Variants in ANO3 observed in about 807,000 individuals in gnomAD.
ANO3 encodes the protein anoctamin-3.
In ANO3, 99 loss-of-function variants were observed where a neutral mutation model predicts 144.8. The ratio of observed to expected loss-of-function variants is 0.68; its 90% CI spans 0.58 to 0.81. ANO3 has a LOEUF of 0.81. Ranked by LOEUF, ANO3 falls within the 30% of genes least tolerant of loss-of-function variation. The probability of loss-of-function intolerance (pLI) is 0.00; values close to 1 mark genes in which losing one functional copy is unlikely to be tolerated. For synonymous variants in ANO3, 414 were observed against 392.6 expected, an observed-to-expected ratio of 1.05 and a Z score of -0.64; for missense variants, 905 against 1,202.2, an observed-to-expected ratio of 0.75 and a Z score of 3.66.
chr11:26,355,238 T>C (rs1005575420), intron 1 of ANO3, among the ~76,000 whole-genome samples: 1 of 152,166 alleles, frequency 6.6e-6, no homozygotes, highest in African/African-American at 2.4e-5. Context: ...CAGTGAAGAG[T>C]TGATTTTTTG....
At chr11:26,625,481 G>T (rs866189755) in intron 18 of ANO3, among the ~76,000 whole-genome samples, 2 of 151,980 alleles carry the variant, frequency 1.3e-5, no homozygotes, top group Non-Finnish European at 2.9e-5. Context: ...CAAATTAATC[G>T]TTAGTCTTCA....
chr11:26,452,352 T>C (rs1044346992), intron 3 of ANO3, among the ~76,000 whole-genome samples: 69 of 152,206 alleles, frequency 4.5e-4, no homozygotes, highest in African/African-American at 1.6e-3. Flanking sequence ...GACGAATGTA[T>C]AACTAGAATA....
intron 14 of ANO3, among the ~76,000 whole-genome samples, chr11:26,566,758 A>G (rs1425210177): frequency 6.6e-6 from 1 of 151,682 alleles, no homozygotes; most frequent in Non-Finnish European, 1.5e-5. Context: ...AAATAGGGTG[A>G]TATAGGAAAA....
intron 1 of ANO3, among the ~76,000 whole-genome samples, chr11:26,220,893 A>G (rs1020943177): frequency 6.6e-6 from 1 of 152,100 alleles, no homozygotes; most frequent in Non-Finnish European, 1.5e-5. Flanking sequence ...GACAGTGTGC[A>G]TTTCATATTT....
rs1853454579 is a variant in ANO3, at chr11:26,272,221, T to C, written c.155-37424T>C. 2.0e-5 allele frequency among the ~76,000 whole-genome samples: 3 copies of C among 152,126 alleles called. No individual in the cohort carries two copies. In the South Asian group the frequency reaches 6.3e-4, roughly 32 times the overall value. ...GGATCCATGGGAAGTGCCACGGCGATGCTAGAAGAGCACCGAGAAGCAGAG... is the reference window on the plus strand; with the variant it reads ...GGATCCATGGGAAGTGCCACGGCGACGCTAGAAGAGCACCGAGAAGCAGAG... On this transcript the variant is annotated intron_variant, in intron 1 of 27. Transcript: ENST00000672621.
intron 14 of ANO3, chr11:26,563,274 C>CA (rs751594123): frequency 4.1e-5 from 65 of 1,574,478 alleles, no homozygotes; most frequent in African/African-American, 4.0e-4. Flanking sequence ...TTCTACAGGA[C>CA]AAAAAAAATT....
rs185382284 is a variant in ANO3, at chr11:26,478,443, C to T, written c.432+15295C>T. Among the ~76,000 whole-genome samples the T allele has an allele frequency of 2.2e-4, 33 of 152,158 alleles. No homozygotes were observed. The East Asian group carries it at 6.2e-3, about 29-fold the overall frequency. On this transcript the variant is annotated intron_variant, in intron 4 of 26. Coordinates refer to ENST00000256737, the MANE Select transcript of ANO3 (RefSeq NM_031418.4). The stretch of plus-strand genomic sequence containing the variant: ...GATTTTTCCTGTTTTATGCAAGCAT[C>T]ACTTCCTTTGTTGGCCCTCTTTCCC...
Position 26,342,913 on chromosome 11 carries a change from A to C in ANO3, c.46+10592A>C, listed in dbSNP as rs554693882. Among the ~76,000 whole-genome samples the C allele has an allele frequency of 2.2e-4, 33 of 152,252 alleles. No individual in the cohort carries two copies. In the East Asian group the frequency reaches 6.0e-3, roughly 28 times the overall value. On this transcript the variant is annotated intron_variant, in intron 1 of 26. Coordinates refer to ENST00000256737, the MANE Select transcript of ANO3 (RefSeq NM_031418.4). The stretch of plus-strand genomic sequence containing the variant: ...TATTTAGGGTGTTTTATATGTTTTG[A>C]CATACACATACTTTGTAAAATTATT...
chr11:26,508,256 G>GA lies in ANO3; in HGVS notation c.587dup (p.Glu197GlyfsTer13). The GA allele has an allele frequency of 6.3e-7, 1 of 1,590,392 alleles. No homozygotes were observed. The highest frequency in any genetic ancestry group is 8.5e-7 in the Non-Finnish European group (1 of 1,173,140). On this transcript the variant is annotated frameshift_variant, in exon 5 of 27. Transcript: ENST00000256737. LOFTEE classifies it high-confidence loss of function. ...TCAGAGCAGAAGGCTTGATGTTGGA[G>GA]AAGGAGGTAGGTGCTTTACTATTAT...
At chr11:26,609,169 TG>T (rs1298692831) in intron 17 of ANO3, among the ~76,000 whole-genome samples, 1 of 152,028 alleles carries the variant, frequency 6.6e-6, no homozygotes, top group Non-Finnish European at 1.5e-5. Flanking sequence ...CTCCCTTGGC[TG>T]GGGGCATGGA....
upstream of ANO3, among the ~76,000 whole-genome samples, chr11:26,330,726 T>A (rs1283162628): frequency 6.6e-6 from 1 of 152,212 alleles, no homozygotes; most frequent in Non-Finnish European, 1.5e-5. Flanking sequence ...TTGTTATGCA[T>A]CCATAAATAA....
chr11:26,329,090 A>T (rs1164968098), upstream of ANO3, among the ~76,000 whole-genome samples: 4 of 152,140 alleles, frequency 2.6e-5, no homozygotes, highest in Non-Finnish European at 5.9e-5. Flanking sequence ...AAATAGTAGG[A>T]AAAAGCAACC....
intron 1 of ANO3, among the ~76,000 whole-genome samples, chr11:26,208,536 A>T (rs1270463574): frequency 1.3e-5 from 2 of 151,562 alleles, no homozygotes; most frequent in East Asian, 1.9e-4. Flanking sequence ...AAGGAATTGC[A>T]GGTGGACACA....
intron 3 of ANO3, among the ~76,000 whole-genome samples, chr11:26,455,684 G>T (rs1859125023): frequency 6.6e-6 from 1 of 151,590 alleles, no homozygotes; most frequent in South Asian, 2.1e-4. Flanking sequence ...TCCCCGTCAA[G>T]CTACCAATGA....
At chr11:26,390,005 G>A (rs1856834318) in intron 1 of ANO3, among the ~76,000 whole-genome samples, 1 of 152,040 alleles carries the variant, frequency 6.6e-6, no homozygotes, top group Non-Finnish European at 1.5e-5. Context: ...GATAGCAGAT[G>A]TAAAAGTTAA....
At chr11:26,445,004 C>A (rs1254935069) in intron 3 of ANO3, among the ~76,000 whole-genome samples, 1 of 152,128 alleles carries the variant, frequency 6.6e-6, no homozygotes, top group Non-Finnish European at 1.5e-5. Flanking sequence ...AAGATTACTA[C>A]AAGCTGAGAA....
intron 1 of ANO3, among the ~76,000 whole-genome samples, chr11:26,200,835 C>T (rs1043502659): frequency 6.6e-6 from 1 of 152,028 alleles, no homozygotes; most frequent in African/African-American, 2.4e-5. Flanking sequence ...TTGTATATAA[C>T]AGAAATTTTT....
chr11:26,343,459 G>A (rs1039227010), intron 1 of ANO3, among the ~76,000 whole-genome samples: 3 of 152,084 alleles, frequency 2.0e-5, no homozygotes, highest in South Asian at 4.1e-4. Flanking sequence ...ATTTTGGGGG[G>A]TCCTCCATAA....
chr11:26,437,958 C>T (rs1261239147), intron 1 of ANO3, among the ~76,000 whole-genome samples: 1 of 151,946 alleles, frequency 6.6e-6, no homozygotes, highest in African/African-American at 2.4e-5. Context: ...TTTAGAAAAT[C>T]CATTAATGGA....
Sources: allele counts gnomAD v4.1 joint callset (sites outside exome capture counted in the v4.1 genomes callset), GRCh38; gene constraint gnomAD v4.1.1; transcripts MANE v1.5; gene names NCBI Gene and HGNC (gene_info 2026-07-23, HGNC 2026-07-21).